THSD7A: variants seen among roughly 807,000 people sequenced by gnomAD.
THSD7A encodes thrombospondin type-1 domain-containing protein 7A.
THSD7A carries 96 observed loss-of-function variants against 231.3 expected under a neutral mutation model. The observed-to-expected ratio is 0.41, with a 90% CI of 0.35 to 0.49. THSD7A has a LOEUF of 0.49. Ranked by LOEUF, THSD7A falls within the 20% of genes least tolerant of loss-of-function variation. The pLI is 0.05. For missense variants in THSD7A, 2,290 were observed against 2,070.2 expected, an observed-to-expected ratio of 1.11 and a Z score of -2.06; for synonymous variants, 940 against 743.3, an observed-to-expected ratio of 1.26 and a Z score of -4.30.
chr7:11,818,192 G>A (rs764923369), intron 1 of THSD7A, among the ~76,000 whole-genome samples: 2 of 152,116 alleles, frequency 1.3e-5, no homozygotes, highest in African/African-American at 2.4e-5. Flanking sequence ...ATTTGCTAGC[G>A]CTATAATAGC....
chr7:11,552,506 T>C (rs1017447065), intron 4 of THSD7A, among the ~76,000 whole-genome samples: 2 of 152,052 alleles, frequency 1.3e-5, no homozygotes, highest in African/African-American at 4.8e-5. Context: ...AAGGGAAATG[T>C]GATAAATAAA....
At chr7:11,799,426 C>T (rs76533919) in intron 1 of THSD7A, among the ~76,000 whole-genome samples, 3,799 of 152,206 alleles carry the variant, frequency 0.025, 146 homozygotes, top group African/African-American at 0.086. Flanking sequence ...GACTACATCA[C>T]ATTCTAAATC....
chr7:11,644,716 C>T (rs963957271), intron 1 of THSD7A, among the ~76,000 whole-genome samples: 2 of 151,944 alleles, frequency 1.3e-5, no homozygotes, highest in Non-Finnish European at 2.9e-5. Flanking sequence ...TTTTACAATG[C>T]TAAACACAAT....
chr7:11,586,596 G>A lies in THSD7A; in HGVS notation c.1453+3864C>T, dbSNP rs79513685. On this transcript the variant is annotated intron_variant, in intron 4 of 27. Coordinates refer to ENST00000423059, the MANE Select transcript of THSD7A (RefSeq NM_015204.3). Reference sequence around the variant, plus strand: ...TCTAAAATAACAGGAAAATAGCACCGTAATGCATAGCCTTTCTTTTCTTTT... The same window carrying A: ...TCTAAAATAACAGGAAAATAGCACCATAATGCATAGCCTTTCTTTTCTTTT... Among the ~76,000 whole-genome samples, 778 of 152,246 alleles carry A rather than the reference G, an allele frequency of 5.1e-3. 8 individuals carry two copies. The highest frequency in any genetic ancestry group is 0.018 in the African/African-American group (735 of 41,550).
intron 1 of THSD7A, among the ~76,000 whole-genome samples, chr7:11,806,444 A>G (rs935515369): frequency 5.9e-5 from 9 of 152,222 alleles, no homozygotes; most frequent in Admixed American, 1.3e-4. Context: ...ATTAAGGGTT[A>G]TAAGCAGGGA....
chr7:11,774,872 T>G (rs1783351238), intron 1 of THSD7A, among the ~76,000 whole-genome samples: 1 of 152,084 alleles, frequency 6.6e-6, no homozygotes, highest in Admixed American at 6.6e-5. Context: ...CTGGCCAACA[T>G]GGCGAAACCT....
At position 11,769,566 on chromosome 7, in the gene THSD7A, G is replaced by A. The variant is rs546856216; in HGVS notation, c.190+62191C>T. Among the ~76,000 whole-genome samples, 83 of 152,034 alleles carry A rather than the reference G, an allele frequency of 5.5e-4. 2 individuals are homozygous for A. The South Asian group carries it at 0.013, about 23-fold the overall frequency. On this transcript the variant is annotated intron_variant, in intron 1 of 27. Transcript: ENST00000423059. ...GGTCCTTAGGGAAACACTTTTCTAA[G>A]CAAAATTCTGATTATGTTTATCTAG... is the stretch of plus-strand genomic sequence containing the variant.
At chr7:11,819,853 C>T (rs1240602190) in intron 1 of THSD7A, among the ~76,000 whole-genome samples, 1 of 152,176 alleles carries the variant, frequency 6.6e-6, no homozygotes, top group Non-Finnish European at 1.5e-5. Flanking sequence ...GTTCATCAAT[C>T]GTAACAAATG....
intron 1 of THSD7A, among the ~76,000 whole-genome samples, chr7:11,719,689 A>G (rs962278866): frequency 2.6e-5 from 4 of 151,524 alleles, no homozygotes; most frequent in Non-Finnish European, 5.9e-5. Flanking sequence ...GGTCTACTCC[A>G]CATTTCACAT....
At position 11,424,697 on chromosome 7, in the gene THSD7A, TC is replaced by T; in HGVS notation, c.3381del (p.Arg1128AspfsTer14). 1 of 1,613,940 alleles carries T rather than the reference TC, an allele frequency of 6.2e-7. No individual in the cohort carries two copies. On this transcript the variant is annotated frameshift_variant and splice_region_variant, in exon 16 of 28. Transcript: ENST00000423059. LOFTEE classifies it high-confidence loss of function. ...CTGTATAATTAGGCTTTGTCTTACC[TC>T]ACTTTTCGGGTTTGCACGCCCTCTC... ...NCGEGVQTRK[V>X]RCMQNTADGP...
chr7:11,760,971 T>A (rs1237914840), intron 1 of THSD7A, among the ~76,000 whole-genome samples: 1 of 148,060 alleles, frequency 6.8e-6, no homozygotes, highest in East Asian at 1.9e-4. Context: ...TTATAATTTA[T>A]ATATTTATAT....
chr7:11,814,780 AT>A lies in THSD7A; in HGVS notation c.190+16976del, dbSNP rs1784629122. ...TATTTGATTTCATAAATCCAAATCC[AT>A]TTTGATGACTCTCCCATTAGAGGTA... On this transcript the variant is annotated intron_variant, in intron 1 of 27. Transcript: ENST00000423059. The surrounding 1 kb of genome is among the most constrained non-coding windows in gnomAD (Gnocchi z 5.1). Among the ~76,000 whole-genome samples the A allele has an allele frequency of 6.6e-6, 1 of 152,188 alleles. No individual in the cohort carries two copies. The highest frequency in any genetic ancestry group is 2.4e-5 in the African/African-American group (1 of 41,444).
chr7:11,495,342 C>T (rs1308382558), intron 6 of THSD7A, among the ~76,000 whole-genome samples: 5 of 151,738 alleles, frequency 3.3e-5, no homozygotes, highest in Non-Finnish European at 4.4e-5. Flanking sequence ...GACCCTTGGC[C>T]GTAGGTGCTT....
intron 1 of THSD7A, chr7:11,820,258 G>T (rs566499426): frequency 2.4e-5 from 10 of 409,580 alleles, no homozygotes; most frequent in Middle Eastern, 6.9e-4. Context: ...TTAGCTCCTC[G>T]CCAGCCATCT....
At chr7:11,666,183 G>A (rs1783123517) in intron 1 of THSD7A, among the ~76,000 whole-genome samples, 1 of 152,032 alleles carries the variant, frequency 6.6e-6, no homozygotes, top group Non-Finnish European at 1.5e-5. Context: ...AATGCTTGGA[G>A]CCGGAGGTGT....
At chr7:11,607,188 C>A (rs928160443) in intron 2 of THSD7A, among the ~76,000 whole-genome samples, 3 of 151,980 alleles carry the variant, frequency 2.0e-5, no homozygotes, top group African/African-American at 7.3e-5. Context: ...GAATATAACG[C>A]TAGTAGGAAA....
intron 4 of THSD7A, among the ~76,000 whole-genome samples, chr7:11,549,063 A>T (rs1330088576): frequency 6.6e-6 from 1 of 152,082 alleles, no homozygotes; most frequent in Non-Finnish European, 1.5e-5. Context: ...AAGAAAAAAA[A>T]CCCCATTAAA....
At chr7:11,808,362 G>A (rs546280648) in intron 1 of THSD7A, among the ~76,000 whole-genome samples, 5 of 152,060 alleles carry the variant, frequency 3.3e-5, no homozygotes, top group African/African-American at 1.2e-4. Flanking sequence ...ACCGTGTGAG[G>A]ACACAGCATC....
intron 6 of THSD7A, among the ~76,000 whole-genome samples, chr7:11,527,976 G>C (rs761624134): frequency 3.3e-5 from 5 of 151,570 alleles, no homozygotes; most frequent in Non-Finnish European, 7.4e-5. Context: ...CATAGAGTAA[G>C]ACTTTGTCCC....
Sources: allele counts gnomAD v4.1 joint callset (sites outside exome capture counted in the v4.1 genomes callset), GRCh38; gene constraint gnomAD v4.1.1; non-coding constraint Gnocchi (gnomAD v3.1); transcripts MANE v1.5; gene names NCBI Gene and HGNC (gene_info 2026-07-23, HGNC 2026-07-21).